TENM2: variants seen among roughly 807,000 people sequenced by gnomAD.
TENM2 encodes teneurin-2.
In TENM2, 52 loss-of-function variants were observed where a neutral mutation model predicts 245.2. The observed-to-expected ratio is 0.21, with a 90% CI of 0.17 to 0.27. The LOEUF (loss-of-function observed/expected upper bound fraction) is 0.27, where lower values mean the gene tolerates loss of function less well. Ranked by LOEUF, TENM2 falls within the 10% of genes least tolerant of loss-of-function variation. TENM2 has a pLI of 1.00. For missense variants in TENM2, 3,046 were observed against 3,666.8 expected (o/e 0.83, Z 4.37); for synonymous variants, 1,363 against 1,438.9 (o/e 0.95, Z 1.19).
At chr5:167,220,270 A>C in the TENM2 span, among the ~76,000 whole-genome samples, 2 of 152,158 alleles carry the variant, frequency 1.3e-5, no homozygotes, top group Non-Finnish European at 2.9e-5. Flanking sequence ...TTAAGAACTC[A>C]AGGTTTTTAG....
rs192040724 is a variant in TENM2, at chr5:167,888,424, A to G, written c.712+12229A>G. Among the ~76,000 whole-genome samples, 38 of 152,348 alleles carry G rather than the reference A, an allele frequency of 2.5e-4. No individual in the cohort carries two copies. The East Asian group carries it at 3.9e-3, about 15-fold the overall frequency. On this transcript the variant is annotated intron_variant, in intron 3 of 28. Coordinates refer to ENST00000518659, the Ensembl canonical transcript of TENM2. ...GAATTAACAAATAGTGCATGCAGTC[A>G]AAGGATGGAGGAAAGGTATGCAGAG... is the stretch of plus-strand genomic sequence containing the variant.
intron 2 of TENM2, among the ~76,000 whole-genome samples, chr5:167,725,706 G>C (rs144298479): frequency 0.012 from 1,771 of 152,190 alleles, 11 homozygotes; most frequent in Non-Finnish European, 0.02. Context: ...AGTGGTTTAG[G>C]GGTTCTTAGC....
At chr5:166,986,989 C>G in the TENM2 span, among the ~76,000 whole-genome samples, 7 of 152,044 alleles carry the variant, frequency 4.6e-5, no homozygotes, top group African/African-American at 1.7e-4. Flanking sequence ...ATAAAACTTG[C>G]TCTCAGCAGG....
Position 167,952,497 on chromosome 5 carries a change from A to G in TENM2, c.713-91A>G. The G allele has an allele frequency of 2.8e-6, 3 of 1,076,588 alleles. No homozygotes were observed. The South Asian group carries it at 4.4e-5, about 16-fold the overall frequency. 66.7% of individuals were successfully genotyped at this position (1,076,588 alleles called of 1,614,324 possible). A position where few individuals can be genotyped will look rare whatever the true frequency, so the allele number is the denominator to read the frequency against. On this transcript the variant is annotated intron_variant, in intron 3 of 28. Transcript: ENST00000518659. ...GCTTTCAGCAATTGTCAGCTTAGAG[A>G]CTTTGGTTTGAAACTCTCCTCCAGT...
chr5:167,519,768 C>T (rs1770629328), intron 2 of TENM2, among the ~76,000 whole-genome samples: 1 of 152,054 alleles, frequency 6.6e-6, no homozygotes, highest in Admixed American at 6.6e-5. Flanking sequence ...GATTTTAGAC[C>T]TACAATTCAC....
rs758695979 is a variant in TENM2, at chr5:168,204,662, C to T, written c.3824+41C>T. 5.0e-6 allele frequency: 8 copies of T among 1,599,856 alleles called. No individual in the cohort carries two copies. The East Asian group carries it at 1.6e-4, about 31-fold the overall frequency. On this transcript the variant is annotated intron_variant, in intron 19 of 28. Coordinates refer to ENST00000518659, the Ensembl canonical transcript of TENM2. ...GGCAACCTTCTTTTGCTCTCTTGCC[C>T]CCCATAACTCCTGAGTTTGATCGGG...
chr5:168,242,755 C>A (rs1333857140), intron 25 of TENM2, among the ~76,000 whole-genome samples: 1 of 152,154 alleles, frequency 6.6e-6, no homozygotes, highest in African/African-American at 2.4e-5. Context: ...GAGTTCGAGA[C>A]CAGCCTGGCC....
At chr5:167,704,066 G>C (rs1216249029) in intron 2 of TENM2, among the ~76,000 whole-genome samples, 1 of 152,162 alleles carries the variant, frequency 6.6e-6, no homozygotes, top group African/African-American at 2.4e-5. Context: ...TTCTGAACTT[G>C]GTTTCCTCAG....
intron 4 of TENM2, among the ~76,000 whole-genome samples, chr5:167,956,265 CTGTT>C (rs1236181090): frequency 1.3e-5 from 2 of 152,114 alleles, no homozygotes; most frequent in African/African-American, 4.8e-5. Flanking sequence ...ATTTGGCTCT[CTGTT>C]TGTCTGTTAT....
chr5:168,135,825 C>T (rs1193084497), intron 12 of TENM2, among the ~76,000 whole-genome samples: 1 of 152,146 alleles, frequency 6.6e-6, no homozygotes, highest in Non-Finnish European at 1.5e-5. Context: ...GACGAAACAT[C>T]TGCAAAGTTG....
chr5:167,565,722 C>G (rs1773864821), intron 2 of TENM2, among the ~76,000 whole-genome samples: 1 of 152,130 alleles, frequency 6.6e-6, no homozygotes, highest in Non-Finnish European at 1.5e-5. Context: ...AGTAATTTAG[C>G]TAATGCTATG....
intron 13 of TENM2, among the ~76,000 whole-genome samples, chr5:168,189,665 T>A (rs1760776107): frequency 1.3e-5 from 2 of 152,240 alleles, no homozygotes; most frequent in Admixed American, 1.3e-4. Context: ...GGTTTCCAAT[T>A]GGTCAGCAGT....
chr5:167,303,711 G>T (rs539664438), intron 1 of TENM2, among the ~76,000 whole-genome samples: 4 of 152,130 alleles, frequency 2.6e-5, no homozygotes, highest in African/African-American at 4.8e-5. Context: ...ATGTGAATAT[G>T]TATCGAGACT....
At chr5:167,568,515 C>T (rs1332537148) in intron 2 of TENM2, among the ~76,000 whole-genome samples, 4 of 151,990 alleles carry the variant, frequency 2.6e-5, no homozygotes, top group African/African-American at 7.2e-5. Context: ...ACGCTGACTT[C>T]ATGAAGTTTA....
At chr5:168,171,730 C>A (rs12518736) in intron 13 of TENM2, among the ~76,000 whole-genome samples, 30,807 of 151,978 alleles carry the variant, frequency 0.2, 3,877 homozygotes, top group East Asian at 0.34. Context: ...AATCAAATAT[C>A]CATTATGAAA....
At chr5:168,034,199 C>A (rs1479544209) in intron 5 of TENM2, among the ~76,000 whole-genome samples, 1 of 143,722 alleles carries the variant, frequency 7.0e-6, no homozygotes, top group Admixed American at 7.0e-5. Flanking sequence ...AAAAATTAAT[C>A]AAGAGTTGTG....
At chr5:167,570,615 C>G (rs1774206744) in intron 2 of TENM2, among the ~76,000 whole-genome samples, 1 of 152,184 alleles carries the variant, frequency 6.6e-6, no homozygotes, top group African/African-American at 2.4e-5. Flanking sequence ...GTTACGATCT[C>G]TGGTGCAGTC....
intron 7 of TENM2, among the ~76,000 whole-genome samples, chr5:168,085,792 G>C (rs1792400441): frequency 6.6e-6 from 1 of 152,206 alleles, no homozygotes; most frequent in Non-Finnish European, 1.5e-5. Flanking sequence ...TGTGACCAGA[G>C]ACCCTGTGGT....
chr5:167,304,704 T>G (rs193282393), intron 1 of TENM2, among the ~76,000 whole-genome samples: 330 of 152,304 alleles, frequency 2.2e-3, no homozygotes, highest in African/African-American at 7.4e-3. Flanking sequence ...AGGATAGTTT[T>G]GGATTTACAT....
Sources: allele counts gnomAD v4.1 joint callset (sites outside exome capture counted in the v4.1 genomes callset), GRCh38; gene constraint gnomAD v4.1.1; transcripts MANE v1.5; gene names NCBI Gene and HGNC (gene_info 2026-07-23, HGNC 2026-07-21).